Variants in ARHGAP22 observed in about 807,000 individuals in gnomAD.
The protein encoded by ARHGAP22 is Rho GTPase activating protein 22, also known as rho GTPase-activating protein 22.
Under a neutral mutation model 59.1 loss-of-function variants are expected in ARHGAP22, and 48 were observed. The ratio of observed to expected loss-of-function variants is 0.81; its 90% CI spans 0.64 to 1.03. The LOEUF (loss-of-function observed/expected upper bound fraction) is 1.03, where lower values mean the gene tolerates loss of function less well. Ranked by LOEUF, ARHGAP22 falls within the 50% of genes least tolerant of loss-of-function variation. ARHGAP22 has a pLI of 0.00. For synonymous variants in ARHGAP22, 445 were observed against 416.4 expected (o/e 1.07, Z -0.84); for missense variants, 1,015 against 958.7 (o/e 1.06, Z -0.78).
intron 2 of ARHGAP22, among the ~76,000 whole-genome samples, chr10:48,555,772 G>T (rs1018483298): frequency 3.9e-5 from 6 of 152,196 alleles, no homozygotes; most frequent in Admixed American, 3.9e-4. Flanking sequence ...CTGCATACAT[G>T]ATTGGAGGAG....
At chr10:48,524,525 G>T (rs1407111563) in intron 3 of ARHGAP22, among the ~76,000 whole-genome samples, 2 of 152,080 alleles carry the variant, frequency 1.3e-5, no homozygotes, top group Non-Finnish European at 2.9e-5. Context: ...CAGGGGTGGG[G>T]GGCCACACCG....
chr10:48,509,247 T>C, intron 3 of ARHGAP22, among the ~76,000 whole-genome samples: 1 of 152,154 alleles, frequency 6.6e-6, no homozygotes, highest in East Asian at 1.9e-4. Flanking sequence ...GATGTGCTCC[T>C]GGCCAGCGTG....
Position 48,459,905 on chromosome 10 carries a change from G to GATCCCT in ARHGAP22, c.452-15_452-14insAGGGAT. On this transcript the variant is annotated splice_polypyrimidine_tract_variant and intron_variant, in intron 4 of 9. Transcript: ENST00000249601. Reference sequence around the variant, plus strand: ...GCCCAAAGATCCCTGAGCACAGAGAGGAGCTAGTCACACCCTCCACCACCC... The same window carrying GATCCCT: ...GCCCAAAGATCCCTGAGCACAGAGAGATCCCTGAGCTAGTCACACCCTCCACCACCC... 2 of 1,608,796 alleles carry GATCCCT rather than the reference G, an allele frequency of 1.2e-6. No homozygotes were observed. Among genetic ancestry groups the GATCCCT allele is most frequent in the Non-Finnish European group, 1.7e-6 (2 of 1,178,054 alleles).
upstream of ARHGAP22, among the ~76,000 whole-genome samples, chr10:48,608,846 T>C (rs2060774742): frequency 6.6e-6 from 1 of 152,226 alleles, no homozygotes; most frequent in South Asian, 2.1e-4. Flanking sequence ...TATAATTAAA[T>C]AAACTATTTA....
At chr10:48,486,249 T>C (rs1272747031) in intron 3 of ARHGAP22, among the ~76,000 whole-genome samples, 2 of 152,052 alleles carry the variant, frequency 1.3e-5, no homozygotes, top group Non-Finnish European at 2.9e-5. Context: ...TTTCCTGACC[T>C]TTTTTGCAAT....
the ARHGAP22 span, chr10:48,431,188 T>C: frequency 2.5e-6 from 4 of 1,588,262 alleles, no homozygotes; most frequent in Non-Finnish European, 3.5e-6. Flanking sequence ...TTACTTCTTT[T>C]ACAGAATTGA....
intron 2 of ARHGAP22, among the ~76,000 whole-genome samples, chr10:48,562,259 C>T (rs933700780): frequency 2.8e-5 from 4 of 141,114 alleles, no homozygotes; most frequent in African/African-American, 5.4e-5. Context: ...TAAATACACA[C>T]CTGGGATACG....
chr10:48,515,654 T>C (rs1055173481), intron 3 of ARHGAP22, among the ~76,000 whole-genome samples: 6 of 152,216 alleles, frequency 3.9e-5, no homozygotes, highest in South Asian at 4.1e-4. Context: ...TATTTGAGGA[T>C]AGACCATTTA....
chr10:48,536,536 A>C lies in ARHGAP22; in HGVS notation c.322+18927T>G, dbSNP rs892797660. On this transcript the variant is annotated intron_variant, in intron 3 of 9. Transcript: ENST00000249601. ...TACCAAGTTGGCTCACTCAACCTCC[A>C]GTGCCTCTGTTTCCCCACTTCCTAC... Among the ~76,000 whole-genome samples, 5 of 152,206 alleles carry C rather than the reference A, an allele frequency of 3.3e-5. 1 individual carries two copies. The highest frequency in any genetic ancestry group is 9.6e-5 in the African/African-American group (4 of 41,460).
chr10:48,619,563 C>G (rs1261289999), intron 1 of ARHGAP22, among the ~76,000 whole-genome samples: 1 of 152,136 alleles, frequency 6.6e-6, no homozygotes, highest in African/African-American at 2.4e-5. Flanking sequence ...TGATTTTTGA[C>G]AAAGGCACAA....
intron 1 of ARHGAP22, among the ~76,000 whole-genome samples, chr10:48,650,218 A>G (rs945561281): frequency 2.7e-5 from 4 of 148,820 alleles, no homozygotes; most frequent in Non-Finnish European, 5.9e-5. Context: ...AGAGTTGTCA[A>G]AGTGTTTGAG....
intron 3 of ARHGAP22, among the ~76,000 whole-genome samples, chr10:48,521,950 T>C (rs1438092700): frequency 6.6e-6 from 1 of 152,272 alleles, no homozygotes; most frequent in African/African-American, 2.4e-5. Context: ...TGTCTAAGAT[T>C]ATTTGACCAA....
At chr10:48,508,336 G>A (rs1049402887) in intron 3 of ARHGAP22, among the ~76,000 whole-genome samples, 3 of 152,248 alleles carry the variant, frequency 2.0e-5, no homozygotes, top group Non-Finnish European at 4.4e-5. Context: ...TTGGGGACCT[G>A]CTGACGACAA....
chr10:48,544,278 T>C (rs2135161699), intron 3 of ARHGAP22, among the ~76,000 whole-genome samples: 1 of 152,346 alleles, frequency 6.6e-6, no homozygotes, highest in Middle Eastern at 3.4e-3. Context: ...ATTTAAGTTA[T>C]TGGTCCAGGT....
chr10:48,449,473 T>G (rs2133550534), intron 9 of ARHGAP22, among the ~76,000 whole-genome samples: 1 of 152,080 alleles, frequency 6.6e-6, no homozygotes, highest in East Asian at 1.9e-4. Flanking sequence ...AGGCTCAGAG[T>G]GGGCAGCAGG....
intron 1 of ARHGAP22, among the ~76,000 whole-genome samples, chr10:48,631,702 T>C (rs1306122104): frequency 6.6e-6 from 1 of 152,224 alleles, no homozygotes; most frequent in Non-Finnish European, 1.5e-5. Context: ...ACTTTGGTTA[T>C]CTACGTGTTA....
At chr10:48,638,124 C>A (rs557314495) in intron 1 of ARHGAP22, among the ~76,000 whole-genome samples, 2 of 152,162 alleles carry the variant, frequency 1.3e-5, no homozygotes, top group African/African-American at 2.4e-5. Context: ...AATCTTCCAC[C>A]GTTTTCCCCT....
chr10:48,638,106 T>A (rs1012397737), intron 1 of ARHGAP22, among the ~76,000 whole-genome samples: 1 of 152,190 alleles, frequency 6.6e-6, no homozygotes, highest in Non-Finnish European at 1.5e-5. Context: ...AATCTTAGAA[T>A]GGCTTCCAAT....
At chr10:48,583,294 C>T (rs572456591) in intron 1 of ARHGAP22, 142 bp from the exon 2 acceptor site, 1 of 963,382 alleles carries the variant, frequency 1.0e-6, no homozygotes, top group African/African-American at 1.6e-5. Context: ...GCCTACTTCC[C>T]CTTGGCATTG....
Sources: gnomAD v4.1 joint callset for allele counts (sites outside exome capture counted in the v4.1 genomes callset) on GRCh38, gnomAD v4.1.1 for gene constraint, MANE v1.5 for transcripts, NCBI Gene and HGNC (gene_info 2026-07-23, HGNC 2026-07-21) for gene names.